SEMA4D: variants seen among roughly 807,000 people sequenced by gnomAD.
The protein encoded by SEMA4D is semaphorin-4D.
Under a neutral mutation model 74.8 loss-of-function variants are expected in SEMA4D, and 22 were observed. The observed-to-expected ratio is 0.29, with a 90% CI of 0.21 to 0.42. The LOEUF (loss-of-function observed/expected upper bound fraction) is 0.42, where lower values mean the gene tolerates loss of function less well. Among genes scored for constraint, SEMA4D ranks in the 10% least tolerant of loss-of-function variants. The pLI is 1.00. For missense variants in SEMA4D, 937 were observed against 1,118.4 expected, an observed-to-expected ratio of 0.84 and a Z score of 2.31; for synonymous variants, 445 against 463.7, an observed-to-expected ratio of 0.96 and a Z score of 0.52.
At chr9:89,404,836 A>AG (rs1842964241) in intron 3 of SEMA4D, among the ~76,000 whole-genome samples, 1 of 76,698 alleles carries the variant, frequency 1.3e-5, no homozygotes, top group Non-Finnish European at 2.6e-5. Context: ...TCCCCATCCC[A>AG]TCCTCAGCCA....
intron 16 of SEMA4D, among the ~76,000 whole-genome samples, chr9:89,371,980 GTCT>G (rs1835023017): frequency 4.1e-4 from 5 of 12,208 alleles, no homozygotes; most frequent in East Asian, 2.9e-3. Context: ...TGTGGTGTGT[GTCT>G]GGGGTGTGGT....
At position 89,439,934 on chromosome 9, in the gene SEMA4D, C is replaced by CATGACAAA. The variant is rs546876730; in HGVS notation, c.-244+15953_-244+15954insTTTGTCAT. Among the ~76,000 whole-genome samples the CATGACAAA allele has an allele frequency of 1.2e-4, 18 of 152,296 alleles. No individual in the cohort carries two copies. The South Asian group carries it at 3.7e-3, about 32-fold the overall frequency. On this transcript the variant is annotated intron_variant, in intron 2 of 15. Transcript: ENST00000422704. ...TCACTTACTTTAGCCCACAAACATG[C>CATGACAAA]CATATAGTCATTCTACATTGGCACA...
At position 89,405,365 on chromosome 9, in the gene SEMA4D, G is replaced by A. The variant is rs141243393; in HGVS notation, c.92C>T (p.Thr31Ile). Residue 31 changes from threonine to isoleucine, a missense_variant, in exon 3 of 16, where the codon ACC (threonine) becomes ATC (isoleucine). Thr to Ile is a moderately conservative substitution (Grantham distance 89, BLOSUM62 -1). Transcript: ENST00000422704. ...AMAFAPIPRI[T>I]WEHREVHLVQ... Reference sequence around the variant, plus strand: ...TCGTCACTCACCTCTGTGCTCCCAGGTGATCCGGGGTATGGGTGCAAATGC... The same window carrying A: ...TCGTCACTCACCTCTGTGCTCCCAGATGATCCGGGGTATGGGTGCAAATGC... The A allele has an allele frequency of 8.7e-6, 14 of 1,613,866 alleles. No homozygotes were observed. In the African/African-American group the frequency reaches 1.5e-4, roughly 17 times the overall value.
chr9:89,379,070 G>C lies in SEMA4D; in HGVS notation c.2223C>G (p.Leu741=), dbSNP rs761082712. 3 of 1,613,626 alleles carry C rather than the reference G, an allele frequency of 1.9e-6. No individual in the cohort carries two copies. The highest frequency in any genetic ancestry group is 2.5e-6 in the Non-Finnish European group (3 of 1,179,784). Residue 741 remains leucine, a synonymous_variant, in exon 16 of 16, where the codon CTC becomes CTG. Coordinates refer to ENST00000422704, the MANE Select transcript of SEMA4D (RefSeq NM_001371194.2). ...GGCAGAGGAAGAGAACAAAGAAGAA[G>C]AGGAAGAGGGACATGAGGAGGCGGT... is the stretch of plus-strand genomic sequence containing the variant. The part of the protein sequence containing the change: ...SDNRLLMSLF[L]FFFVLFLCLF...
intron 2 of SEMA4D, among the ~76,000 whole-genome samples, chr9:89,411,878 C>T (rs961604132): frequency 6.6e-6 from 1 of 152,228 alleles, no homozygotes; most frequent in African/African-American, 2.4e-5. Context: ...GGCAGTGGCA[C>T]AGGATTTAAT....
At chr9:89,373,174 T>G (rs1241793692), downstream of SEMA4D, among the ~76,000 whole-genome samples, 2 of 152,046 alleles carry the variant, frequency 1.3e-5, no homozygotes, top group African/African-American at 4.8e-5. Context: ...TCCGCCCTAC[T>G]CCGCCCACGT....
In SEMA4D at chr9:89,405,489, A is replaced by G. The variant is rs1432132143; in HGVS notation, c.-33T>C. On this transcript the variant is annotated 5_prime_UTR_variant, in exon 3 of 16. Coordinates refer to ENST00000422704, the MANE Select transcript of SEMA4D (RefSeq NM_001371194.2). ...AGGCGACCCCAGGGGCTTCAGCAGC[A>G]AAGGCTCACGGCAGCAGGTGGCCGG... The G allele has an allele frequency of 1.9e-5, 30 of 1,610,244 alleles. No homozygotes were observed. Among genetic ancestry groups the G allele is most frequent in the African/African-American group, 4.0e-5 (3 of 74,914 alleles).
chr9:89,379,157 G>A lies in SEMA4D; in HGVS notation c.2136C>T (p.Ile712=), dbSNP rs755727712. ...GGAGCTGGGGGACCGTGTTGATGAC[G>A]ATCTTTGGTTCGCAGGATGTGCCGG... is the stretch of plus-strand genomic sequence containing the variant. ...APTGTSCEPK[I]VINTVPQLHS... The change falls in exon 16 of 16, where the codon ATC becomes ATT. Residue 712 remains isoleucine, a synonymous_variant. Transcript: ENST00000422704. The A allele has an allele frequency of 1.4e-5, 23 of 1,614,184 alleles. No homozygotes were observed. The highest frequency in any genetic ancestry group is 3.3e-5 in the South Asian group (3 of 91,080).
At chr9:89,447,972 T>A (rs1853387656) in intron 2 of SEMA4D, among the ~76,000 whole-genome samples, 1 of 152,072 alleles carries the variant, frequency 6.6e-6, no homozygotes, top group Admixed American at 6.6e-5. Context: ...CTTTATGTAT[T>A]TATTTATTTG....
At chr9:89,411,488 T>A (rs555607236) in intron 2 of SEMA4D, among the ~76,000 whole-genome samples, 2 of 152,314 alleles carry the variant, frequency 1.3e-5, no homozygotes, top group South Asian at 4.1e-4. Flanking sequence ...ATATCTAATT[T>A]GAAGGAAAAT....
At chr9:89,430,649 T>TG (rs1211482053) in intron 2 of SEMA4D, among the ~76,000 whole-genome samples, 1 of 152,202 alleles carries the variant, frequency 6.6e-6, no homozygotes, top group Non-Finnish European at 1.5e-5. Context: ...ATCTCCATGG[T>TG]GCCTTATCAG....
At chr9:89,444,998 A>G (rs1852498009) in intron 2 of SEMA4D, among the ~76,000 whole-genome samples, 1 of 152,174 alleles carries the variant, frequency 6.6e-6, no homozygotes, top group African/African-American at 2.4e-5. Flanking sequence ...GAAGATCCAA[A>G]CGGCCACAGA....
At chr9:89,452,371 G>C (rs952751008) in intron 2 of SEMA4D, among the ~76,000 whole-genome samples, 2 of 151,992 alleles carry the variant, frequency 1.3e-5, no homozygotes, top group African/African-American at 4.8e-5. Flanking sequence ...GTAGAGACGA[G>C]GTTTCACCGT....
chr9:89,421,016 C>T (rs532043647), intron 2 of SEMA4D, among the ~76,000 whole-genome samples: 2 of 152,204 alleles, frequency 1.3e-5, no homozygotes, highest in African/African-American at 4.8e-5. Flanking sequence ...ATATAACAAG[C>T]AGGGTGCAGC....
chr9:89,405,228 C>A (rs1292522240), intron 3 of SEMA4D, 123 bp downstream of exon 3: 2 of 797,246 alleles, frequency 2.5e-6, no homozygotes, highest in Admixed American at 2.1e-5. Context: ...CCGTTCCCAG[C>A]CACCCGCCTC....
chr9:89,431,287 G>A (rs974803733), intron 2 of SEMA4D, among the ~76,000 whole-genome samples: 5 of 152,102 alleles, frequency 3.3e-5, no homozygotes, highest in Non-Finnish European at 7.4e-5. Flanking sequence ...TGAGCCACCC[G>A]GGGCACACCC....
At chr9:89,427,267 A>AG (rs925810036) in intron 2 of SEMA4D, among the ~76,000 whole-genome samples, 12 of 152,274 alleles carry the variant, frequency 7.9e-5, no homozygotes, top group African/African-American at 2.6e-4. Context: ...GAGTCAGAAG[A>AG]GGGGGGCAGC....
intron 6 of SEMA4D, 67 bp downstream of exon 6, chr9:89,396,670 G>C (rs1298640606): frequency 3.8e-6 from 5 of 1,299,022 alleles, no homozygotes; most frequent in Non-Finnish European, 5.5e-6. Context: ...CGTCTGCTTT[G>C]AGCCCCCTTC....
At chr9:89,374,546 C>T (rs892004757), downstream of SEMA4D, among the ~76,000 whole-genome samples, 7 of 152,214 alleles carry the variant, frequency 4.6e-5, no homozygotes, top group African/African-American at 1.7e-4. Context: ...TAATGGAAAC[C>T]TCACCTTCCC....
Sources: allele counts gnomAD v4.1 joint callset (sites outside exome capture counted in the v4.1 genomes callset), GRCh38; gene constraint gnomAD v4.1.1; transcripts MANE v1.5; gene names NCBI Gene and HGNC (gene_info 2026-07-23, HGNC 2026-07-21).